The following USP6NL variants were observed in gnomAD, a reference collection of about 807,000 sequenced individuals.
USP6NL encodes the protein USP6 N-terminal like, also known as USP6 N-terminal-like protein.
A neutral mutation model predicts 61.9 loss-of-function variants in USP6NL; 26 were observed. The ratio of observed to expected loss-of-function variants is 0.42; its 90% confidence interval spans 0.31 to 0.58. The LOEUF is 0.58. Ranked by LOEUF, USP6NL falls within the 20% of genes least tolerant of loss-of-function variation. The probability of loss-of-function intolerance (pLI) is 0.16; values close to 1 mark genes in which losing one functional copy is unlikely to be tolerated. For missense variants in USP6NL, 1,114 were observed against 1,034.3 expected (o/e 1.08, Z -1.06); for synonymous variants, 432 against 390.1 (o/e 1.11, Z -1.27).
chr10:11,594,316 GA>G, intron 2 of USP6NL, among the ~76,000 whole-genome samples: 1 of 152,320 alleles, frequency 6.6e-6, no homozygotes, highest in South Asian at 2.1e-4. Flanking sequence ...AGGGAGCTTG[GA>G]AAGAACTGAA....
chr10:11,563,920 G>C (rs146033650), intron 2 of USP6NL: 42 of 152,270 alleles, frequency 2.8e-4, no homozygotes, highest in African/African-American at 1.0e-3. Context: ...TGACATTTTG[G>C]ATTGTTCACA....
chr10:11,519,486 C>T (rs1014761537), intron 4 of USP6NL, among the ~76,000 whole-genome samples: 3 of 152,048 alleles, frequency 2.0e-5, no homozygotes, highest in Non-Finnish European at 4.4e-5. Flanking sequence ...AAAAATTAAA[C>T]AGGTATGTTG....
rs2096211385 is a variant in USP6NL at position 11,460,666 on chromosome 10, GTATTTACCACTGTTGATATATA to G, written c.*1753_*1774del. On this transcript the variant is annotated 3_prime_UTR_variant, in exon 15 of 15. Transcript: ENST00000609104. Reference sequence around the variant, plus strand: ...ATATATATATATATAAAAATCTACAGTATTTACCACTGTTGATATATATATTTTGGAGCAGCTCAGATACTGC... The same window carrying G: ...ATATATATATATATAAAAATCTACAGTATTTTGGAGCAGCTCAGATACTGC... 7.3e-6 allele frequency: 1 copy of G among 136,176 alleles called. No homozygotes were observed. 8.4% of individuals were successfully genotyped at this position (136,176 alleles called of 1,614,324 possible).
At chr10:11,567,561 A>G (rs965647854) in intron 2 of USP6NL, among the ~76,000 whole-genome samples, 1 of 152,234 alleles carries the variant, frequency 6.6e-6, no homozygotes, top group East Asian at 1.9e-4. Context: ...CCAAGTACAA[A>G]TGAGCTGACA....
intron 4 of USP6NL, among the ~76,000 whole-genome samples, chr10:11,522,784 T>C (rs929406201): frequency 6.6e-6 from 1 of 152,262 alleles, no homozygotes; most frequent in Non-Finnish European, 1.5e-5. Flanking sequence ...TTTAAATTTC[T>C]TTCTAGGCAT....
chr10:11,496,728 C>T lies in USP6NL; in HGVS notation c.385-3500G>A, dbSNP rs551413433. Among the ~76,000 whole-genome samples the T allele has an allele frequency of 2.0e-5, 3 of 152,082 alleles. No homozygotes were observed. Among genetic ancestry groups the T allele is most frequent in the South Asian group, 2.1e-4 (1 of 4,820 alleles). ...ATATACATAAAAACATAACTGTTCC[C>T]GACTTCAGCTAAAAGTGGAAAGAAG... On this transcript the variant is annotated intron_variant, in intron 7 of 14. Coordinates refer to ENST00000609104, the MANE Select transcript of USP6NL (RefSeq NM_014688.5). This position sits in a 1 kb window ranked among gnomAD's most constrained non-coding sequence, Gnocchi z 5.4.
At chr10:11,483,052 T>C (rs954055903) in intron 13 of USP6NL, among the ~76,000 whole-genome samples, 1 of 152,194 alleles carries the variant, frequency 6.6e-6, no homozygotes, top group Non-Finnish European at 1.5e-5. Flanking sequence ...TAAATTATAG[T>C]CACCATGCTG....
intron 2 of USP6NL, among the ~76,000 whole-genome samples, chr10:11,542,371 CAA>C (rs1261724574): frequency 6.6e-6 from 1 of 152,016 alleles, no homozygotes; most frequent in Non-Finnish European, 1.5e-5. Flanking sequence ...AGAAAAAAAG[CAA>C]AGTCAGAAAA....
rs1260651397 is a variant in USP6NL, at chr10:11,465,706, C to T, written c.1079-1857G>A. 6.6e-6 allele frequency among the ~76,000 whole-genome samples: 1 copy of T among 152,124 alleles called. No homozygotes were observed. Among genetic ancestry groups the T allele is most frequent in the African/African-American group, 2.4e-5 (1 of 41,414 alleles). ...AGTGCTGCCTGGAGGTGCCCAGATT[C>T]TGAGTTCCATGTTTCAGTCTGCATC... is the stretch of plus-strand genomic sequence containing the variant. On this transcript the variant is annotated intron_variant, in intron 14 of 14. Coordinates refer to ENST00000609104, the MANE Select transcript of USP6NL (RefSeq NM_014688.5). The surrounding 1 kb of genome is among the most constrained non-coding windows in gnomAD (Gnocchi z 4.5).
chr10:11,534,442 A>G (rs1286390694), intron 2 of USP6NL, among the ~76,000 whole-genome samples: 3 of 152,258 alleles, frequency 2.0e-5, no homozygotes, highest in Non-Finnish European at 4.4e-5. Flanking sequence ...CCAAATGCCA[A>G]CTGCGTAGCT....
intron 14 of USP6NL, among the ~76,000 whole-genome samples, chr10:11,475,106 T>A (rs1041013312): frequency 6.6e-6 from 1 of 152,166 alleles, no homozygotes; most frequent in East Asian, 1.9e-4. Context: ...TGACTTCCGT[T>A]AATTGACAAA....
At position 11,585,557 on chromosome 10, in the gene USP6NL, G is replaced by A. The variant is rs952668616; in HGVS notation, c.4+12074C>T. On this transcript the variant is annotated intron_variant, in intron 2 of 14. Coordinates refer to ENST00000609104, the MANE Select transcript of USP6NL (RefSeq NM_014688.5). This position sits in a 1 kb window ranked among gnomAD's most constrained non-coding sequence, Gnocchi z 4.5. ...GGCACCTGTACTCCCAGCTACTCGG[G>A]AGGCTGAGGAACGGGAATGGCGCGA... Among the ~76,000 whole-genome samples the A allele has an allele frequency of 2.0e-5, 3 of 152,150 alleles. No homozygotes were observed. The highest frequency in any genetic ancestry group is 4.4e-5 in the Non-Finnish European group (3 of 68,016).
intron 2 of USP6NL, among the ~76,000 whole-genome samples, chr10:11,541,265 ATATATATATATG>A (rs1395359947): frequency 5.2e-5 from 7 of 133,336 alleles, no homozygotes; most frequent in South Asian, 2.5e-4. Flanking sequence ...ATATATATAT[ATATATATATATG>A]TATGTCACTC....
In USP6NL at chr10:11,476,620, AG is replaced by A. The variant is rs1178525479; in HGVS notation, c.1078+5149del. ...CATCATATTTCTCTGTATTTTTGATAGTTTTCATAAGTAAAATAAAAGATGC... is the reference window on the plus strand; with the variant it reads ...CATCATATTTCTCTGTATTTTTGATATTTTCATAAGTAAAATAAAAGATGC... On this transcript the variant is annotated intron_variant, in intron 14 of 14. Transcript: ENST00000609104. This position sits in a 1 kb window ranked among gnomAD's most constrained non-coding sequence, Gnocchi z 4.3. Among the ~76,000 whole-genome samples the A allele has an allele frequency of 1.3e-5, 2 of 152,212 alleles. No individual in the cohort carries two copies. Among genetic ancestry groups the A allele is most frequent in the Non-Finnish European group, 2.9e-5 (2 of 68,030 alleles).
Position 11,602,616 on chromosome 10 carries a change from C to T in USP6NL, c.-83-4899G>A, listed in dbSNP as rs1838574442. Among the ~76,000 whole-genome samples, 1 of 152,144 alleles carries T rather than the reference C, an allele frequency of 6.6e-6. No homozygotes were observed. The highest frequency in any genetic ancestry group is 1.5e-5 in the Non-Finnish European group (1 of 68,026). ...TCATTAGTTCAAATATATGTCAGGG[C>T]AGACTCCCAGGTGCTGGTTGAGTAT... On this transcript the variant is annotated intron_variant, in intron 1 of 14. Transcript: ENST00000609104. This position sits in a 1 kb window ranked among gnomAD's most constrained non-coding sequence, Gnocchi z 4.8.
chr10:11,586,115 C>T (rs1164359678), intron 2 of USP6NL, among the ~76,000 whole-genome samples: 1 of 152,110 alleles, frequency 6.6e-6, no homozygotes, highest in East Asian at 1.9e-4. Flanking sequence ...GTTATCCTGT[C>T]TAGAAATCAA....
chr10:11,485,990 T>C lies in USP6NL; in HGVS notation c.665-79A>G. The C allele has an allele frequency of 1.0e-6, 1 of 981,676 alleles. No individual in the cohort carries two copies. The highest frequency in any genetic ancestry group is 1.7e-5 in the African/African-American group (1 of 59,408). The allele number at this position is 981,676 out of a possible 1,614,324, so 60.8% of individuals were successfully genotyped here. On this transcript the variant is annotated intron_variant, in intron 10 of 14. Transcript: ENST00000609104. This position sits in a 1 kb window ranked among gnomAD's most constrained non-coding sequence, Gnocchi z 4.8. ...CAATCTTAAAACACAACATATTTCA[T>C]TTGTAACTGTCAAAAATAAAAAGAA...
intron 2 of USP6NL, among the ~76,000 whole-genome samples, chr10:11,554,720 AT>A (rs1235943740): frequency 6.6e-6 from 1 of 151,936 alleles, no homozygotes; most frequent in Non-Finnish European, 1.5e-5. Context: ...CCAAGAAAAA[AT>A]TACAAGGCAT....
At chr10:11,583,826 A>G (rs1837873919) in intron 2 of USP6NL, among the ~76,000 whole-genome samples, 1 of 152,084 alleles carries the variant, frequency 6.6e-6, no homozygotes, top group South Asian at 2.1e-4. Flanking sequence ...TCAGGAGCTC[A>G]AGACCAGCCT....
Sources: gnomAD v4.1 joint callset for allele counts (sites outside exome capture counted in the v4.1 genomes callset) on GRCh38, gnomAD v4.1.1 for gene constraint, Gnocchi (gnomAD v3.1) non-coding constraint, MANE v1.5 for transcripts, NCBI Gene and HGNC (gene_info 2026-07-23, HGNC 2026-07-21) for gene names.